The following PCNA variants were observed in gnomAD, a reference collection of about 807,000 sequenced individuals.
PCNA encodes DNA sliding clamp PCNA.
In PCNA, 4 loss-of-function variants were observed where a neutral mutation model predicts 27.8. The ratio of observed to expected loss-of-function variants is 0.14; its 90% CI spans 0.07 to 0.33. PCNA has a LOEUF of 0.33. Ranked by LOEUF, PCNA falls within the 10% of genes least tolerant of loss-of-function variation. PCNA has a pLI of 1.00. For missense variants in PCNA, 165 were observed against 327.4 expected, an observed-to-expected ratio of 0.50 and a Z score of 3.83; for synonymous variants, 121 against 119.4, an observed-to-expected ratio of 1.01 and a Z score of -0.09.
rs768964791 is a variant in PCNA, at chr20:5,115,389, C to A, written c.707-27G>T. Reference sequence around the variant, plus strand: ...TGAAAGACAGGAAGATGGTTAATTACTGAGGAGTATGTATCACATATGACT... The same window carrying A: ...TGAAAGACAGGAAGATGGTTAATTAATGAGGAGTATGTATCACATATGACT... On this transcript the variant is annotated intron_variant, in intron 5 of 5. Coordinates refer to ENST00000379143, the MANE Select transcript of PCNA (RefSeq NM_182649.2). 1.9e-6 allele frequency: 3 copies of A among 1,613,510 alleles called. No individual in the cohort carries two copies. In the South Asian group the frequency reaches 3.3e-5, roughly 18 times the overall value.
At chr20:5,120,979 GTATTAT>G (rs1014492706), upstream of PCNA, among the ~76,000 whole-genome samples, 2 of 151,748 alleles carry the variant, frequency 1.3e-5, no homozygotes, top group South Asian at 4.2e-4. Context: ...GCTAATTTTT[GTATTAT>G]TATTATTATT....
At chr20:5,116,501 G>C (rs1187956065) in intron 4 of PCNA, among the ~76,000 whole-genome samples, 1 of 152,156 alleles carries the variant, frequency 6.6e-6, no homozygotes, top group Non-Finnish European at 1.5e-5. Flanking sequence ...AGGGACAAGA[G>C]AGCAATATAT....
upstream of PCNA, among the ~76,000 whole-genome samples, chr20:5,123,774 T>A (rs543051155): frequency 3.3e-5 from 5 of 151,454 alleles, no homozygotes; most frequent in South Asian, 1.0e-3. Flanking sequence ...CTTGACCCAA[T>A]AAGAAATGGA....
At chr20:5,115,863 C>T (rs2090471226) in intron 4 of PCNA, among the ~76,000 whole-genome samples, 1 of 152,184 alleles carries the variant, frequency 6.6e-6, no homozygotes, top group South Asian at 2.1e-4. Flanking sequence ...TCTGCAAACT[C>T]TAATTAATGA....
intron 1 of PCNA, among the ~76,000 whole-genome samples, chr20:5,126,212 A>G (rs984838717): frequency 5.5e-4 from 83 of 151,416 alleles, no homozygotes; most frequent in African/African-American, 1.8e-3. Flanking sequence ...CAAAACAAAC[A>G]AACAAACGAA....
chr20:5,120,078 G>A, upstream of PCNA: 1 of 450,262 alleles, frequency 2.2e-6, no homozygotes, highest in South Asian at 2.2e-5. Flanking sequence ...CTCCCCGCGA[G>A]GCCCGCCCCC....
intron 1 of PCNA, among the ~76,000 whole-genome samples, chr20:5,119,232 C>A (rs2090498057): frequency 6.6e-6 from 1 of 152,118 alleles, no homozygotes; most frequent in Non-Finnish European, 1.5e-5. Flanking sequence ...CACACCGAGA[C>A]CGTCTCAGAA....
intron 1 of PCNA, among the ~76,000 whole-genome samples, chr20:5,125,295 C>T (rs538559147): frequency 2.0e-5 from 3 of 152,146 alleles, no homozygotes; most frequent in African/African-American, 7.2e-5. Flanking sequence ...TCACTACCTG[C>T]CCCAAAACTC....
At chr20:5,121,674 G>C (rs1267312086), upstream of PCNA, 1 of 151,964 alleles carries the variant, frequency 6.6e-6, no homozygotes, top group Non-Finnish European at 1.5e-5. Context: ...TGACACCCAG[G>C]CTGGAGTGCA....
chr20:5,120,131 T>C (rs975077056), upstream of PCNA: 1 of 308,304 alleles, frequency 3.2e-6, no homozygotes, highest in Non-Finnish European at 6.4e-6. Flanking sequence ...CGGGGCAGCG[T>C]CGCGCAGGTC....
Position 5,119,599 on chromosome 20 carries a change from G to C in PCNA, c.200C>G (p.Ala67Gly). ...FDTYRCDRNLAMGVNLTSMSK... is the reference protein window; with the variant it reads ...FDTYRCDRNLGMGVNLTSMSK... ...TCACCTGGTGAGGTTCACGCCCATGGCCAGGTTGCGGTCGCAGCGGTAGGT... is the reference window on the plus strand; with the variant it reads ...TCACCTGGTGAGGTTCACGCCCATGCCCAGGTTGCGGTCGCAGCGGTAGGT... The change falls in exon 1 of 6, where the codon GCC becomes GGC. Residue 67 changes from alanine (A) to glycine (G), a missense_variant. Physicochemically the swap from Ala to Gly is moderately conservative, Grantham distance 60. Transcript: ENST00000379143. 1.2e-6 allele frequency: 2 copies of C among 1,613,012 alleles called. No homozygotes were observed. The highest frequency in any genetic ancestry group is 2.2e-5 in the South Asian group (2 of 90,942).
At chr20:5,119,528 C>T in intron 1 of PCNA, 50 bp downstream of exon 1, 1 of 1,491,432 alleles carries the variant, frequency 6.7e-7, no homozygotes, top group Non-Finnish European at 9.2e-7. Context: ...CCGCCAAGCA[C>T]CGGAGGTGCA....
At chr20:5,120,156 A>G (rs566243875), upstream of PCNA, 1 of 260,042 alleles carries the variant, frequency 3.8e-6, no homozygotes, top group Non-Finnish European at 7.8e-6. Flanking sequence ...CGCCTCTTTG[A>G]CTCCTGAACC....
chr20:5,125,632 G>C (rs935463161), intron 1 of PCNA, among the ~76,000 whole-genome samples: 2 of 152,124 alleles, frequency 1.3e-5, no homozygotes, highest in African/African-American at 4.8e-5. Context: ...TCACTTACAG[G>C]GCAGTGAATA....
Position 5,115,498 on chromosome 20 carries a change from A to T in PCNA, c.657T>A (p.Thr219=), listed in dbSNP as rs1423970382. The part of the protein sequence containing the change: ...LRYLNFFTKA[T]PLSSTVTLSM... The stretch of plus-strand genomic sequence containing the variant: ...TGAGTGTCACCGTTGAAGAGAGTGG[A>T]GTGGCTTTTGTAAAGAAGTTCAGGT... Residue 219 remains threonine (T), a synonymous_variant, in exon 5 of 6, where the codon ACT becomes ACA. Transcript: ENST00000379143. 1.9e-6 allele frequency: 3 copies of T among 1,613,850 alleles called. No homozygotes were observed. Among genetic ancestry groups the T allele is most frequent in the African/African-American group, 2.7e-5 (2 of 74,940 alleles).
upstream of PCNA, among the ~76,000 whole-genome samples, chr20:5,124,914 A>C (rs1448522786): frequency 6.6e-6 from 1 of 152,202 alleles, no homozygotes. Context: ...GCCTCCTTTT[A>C]TTAGGCTGGA....
Position 5,115,197 on chromosome 20 carries a change from G to T in PCNA, c.*86C>A. 2.1e-6 allele frequency: 2 copies of T among 934,204 alleles called. No homozygotes were observed. The highest frequency in any genetic ancestry group is 2.9e-5 in the South Asian group (2 of 69,492). 57.9% of individuals were successfully genotyped at this position (934,204 alleles called of 1,614,324 possible). ...ATATGTACTTAGAGGTACAAATTTGGTGACAGAAAAGACTTCAGTATATGC... is the reference window on the plus strand; with the variant it reads ...ATATGTACTTAGAGGTACAAATTTGTTGACAGAAAAGACTTCAGTATATGC... On this transcript the variant is annotated 3_prime_UTR_variant, in exon 6 of 6. Transcript: ENST00000379143.
chr20:5,118,557 A>G (rs1249055162), intron 3 of PCNA, 53 bp downstream of exon 3: 5 of 1,259,164 alleles, frequency 4.0e-6, no homozygotes, highest in African/African-American at 1.5e-5. Flanking sequence ...ATTCTATGAC[A>G]TAACTATCGT....
rs1479433252 is a variant in PCNA at position 5,119,873 on chromosome 20, C to G, written c.-75G>C. The G allele has an allele frequency of 7.4e-6, 9 of 1,218,998 alleles. No individual in the cohort carries two copies. The highest frequency in any genetic ancestry group is 1.1e-5 in the Non-Finnish European group (9 of 854,920). 75.5% of individuals were successfully genotyped at this position (1,218,998 alleles called of 1,614,324 possible). On this transcript the variant is annotated 5_prime_UTR_variant, in exon 1 of 6. Transcript: ENST00000379143. The stretch of plus-strand genomic sequence containing the variant: ...GTCTAGCTGGTTTCGGCTTCAGGAG[C>G]CTCAGAGCGAGCGGGCGAACGTCGC...
Sources: gnomAD v4.1 joint callset for allele counts (sites outside exome capture counted in the v4.1 genomes callset) on GRCh38, gnomAD v4.1.1 for gene constraint, MANE v1.5 for transcripts, NCBI Gene and HGNC (gene_info 2026-07-23, HGNC 2026-07-21) for gene names.